The following PCF11 variants were observed in gnomAD, a reference collection of about 807,000 sequenced individuals.
PCF11 encodes the protein pre-mRNA cleavage complex 2 protein Pcf11.
PCF11 carries 19 observed loss-of-function variants against 166.1 expected under a neutral mutation model. The observed-to-expected ratio is 0.11, with a 90% CI of 0.08 to 0.17. The LOEUF (loss-of-function observed/expected upper bound fraction) is 0.17. Among genes scored for constraint, PCF11 ranks in the 10% least tolerant of loss-of-function variants. PCF11 has a pLI of 1.00. For missense variants in PCF11, 1,565 were observed against 1,855.5 expected (o/e 0.84, Z 2.88); for synonymous variants, 663 against 644.1 (o/e 1.03, Z -0.44).
chr11:83,163,582 C>A, intron 2 of PCF11, 97 bp from the exon 3 acceptor site: 1 of 432,936 alleles, frequency 2.3e-6, no homozygotes, highest in Non-Finnish European at 4.1e-6. Flanking sequence ...TAGTACAGTT[C>A]TGTATGTGAA....
intron 1 of PCF11, among the ~76,000 whole-genome samples, chr11:83,159,477 G>A (rs964710872): frequency 6.6e-6 from 1 of 152,042 alleles, no homozygotes; most frequent in Non-Finnish European, 1.5e-5. Flanking sequence ...TAATGGATCC[G>A]GAAGACCTTC....
chr11:83,163,423 C>G (rs763516159), intron 2 of PCF11, among the ~76,000 whole-genome samples: 4 of 151,542 alleles, frequency 2.6e-5, no homozygotes, highest in Non-Finnish European at 5.9e-5. Context: ...ATACTAAGCT[C>G]TAAGATGTGG....
rs1274377056 is a variant in PCF11, at chr11:83,166,730, T to C, written c.1817+16T>C. Reference sequence around the variant, plus strand: ...AAAATAAAAGGTATGATGTTAACATTTTAAGTCAAGTGTAGTAGTGTATAT... The same window carrying C: ...AAAATAAAAGGTATGATGTTAACATCTTAAGTCAAGTGTAGTAGTGTATAT... On this transcript the variant is annotated intron_variant, in intron 5 of 15. Transcript: ENST00000298281. The C allele has an allele frequency of 6.4e-7, 1 of 1,565,636 alleles. No homozygotes were observed. Among genetic ancestry groups the C allele is most frequent in the Non-Finnish European group, 8.6e-7 (1 of 1,161,600 alleles).
At chr11:83,176,095 A>C (rs927958270) in intron 9 of PCF11, among the ~76,000 whole-genome samples, 22 of 152,202 alleles carry the variant, frequency 1.4e-4, no homozygotes, top group Non-Finnish European at 2.9e-5. Flanking sequence ...AGGGGTAATA[A>C]ACTATTTCAT....
exon 8 of PCF11, chr11:83,169,374 A>G: frequency 3.1e-6 from 5 of 1,613,690 alleles, no homozygotes; most frequent in South Asian, 1.1e-5. Context: ...GTCCTTCTGT[A>G]CCAGGAGGTG....
At chr11:83,183,049 A>G (rs745633081) in exon 15 of PCF11, 5 of 1,457,292 alleles carry the variant, frequency 3.4e-6, no homozygotes, top group Non-Finnish European at 4.7e-6. Context: ...TTTATCATCC[A>G]TCATGTTATG....
Position 83,170,007 on chromosome 11 carries a change from A to G in PCF11, c.3660+12A>G, listed in dbSNP as rs1860629723. 6.4e-7 allele frequency: 1 copy of G among 1,552,786 alleles called. No individual in the cohort carries two copies. Among genetic ancestry groups the G allele is most frequent in the Non-Finnish European group, 8.6e-7 (1 of 1,156,854 alleles). ...AGGCATCTCAACAGGTAAGTCTGTT[A>G]TTCTAAAATTGCGTTGTATGCAGAT... is the stretch of plus-strand genomic sequence containing the variant. On this transcript the variant is annotated intron_variant, in intron 8 of 15. Coordinates refer to ENST00000298281, the Ensembl canonical transcript of PCF11.
At chr11:83,174,627 A>AG (rs1860812445) in intron 9 of PCF11, among the ~76,000 whole-genome samples, 1 of 152,130 alleles carries the variant, frequency 6.6e-6, no homozygotes, top group Admixed American at 6.5e-5. Flanking sequence ...TAATTCATTT[A>AG]ACCTCATATC....
chr11:83,173,719 CTTTTTTTTTTTTTTTTTTT>C (rs869126679), intron 9 of PCF11, among the ~76,000 whole-genome samples: 1 of 59,060 alleles, frequency 1.7e-5, no homozygotes, highest in African/African-American at 7.2e-5. Context: ...TTCTTTCTTT[CTTTTTTTTTTTTTTTTTTT>C]TTTTTTTTTG....
At chr11:83,169,735 C>T (rs771135845) in exon 8 of PCF11, 2 of 1,613,798 alleles carry the variant, frequency 1.2e-6, no homozygotes, top group South Asian at 1.1e-5. Flanking sequence ...TCAGACTGGT[C>T]CATATAATGA....
exon 2 of PCF11, chr11:83,161,398 T>C: frequency 6.2e-7 from 1 of 1,602,544 alleles, no homozygotes; most frequent in African/African-American, 1.3e-5. Flanking sequence ...GAAGAGAGTA[T>C]CTCACTGCCT....
chr11:83,164,491 C>A (rs1195998897), intron 4 of PCF11, 90 bp downstream of exon 4: 1 of 897,116 alleles, frequency 1.1e-6, no homozygotes, highest in East Asian at 2.7e-5. Context: ...TAACATGTTA[C>A]TTTTATTAAT....
At chr11:83,165,480 A>T in intron 4 of PCF11, 120 bp from the exon 5 acceptor site, 1 of 659,004 alleles carries the variant, frequency 1.5e-6, no homozygotes, top group Non-Finnish European at 2.5e-6. Flanking sequence ...TGTACAATTT[A>T]AATGTAGTGT....
intron 9 of PCF11, among the ~76,000 whole-genome samples, chr11:83,173,250 A>G (rs1471631526): frequency 6.6e-6 from 1 of 152,140 alleles, no homozygotes. Context: ...AGGTCAAGAG[A>G]TGGAGACCAT....
chr11:83,186,127 C>CTAAT (rs1220029633), exon 16 of PCF11: 1 of 152,138 alleles, frequency 6.6e-6, no homozygotes, highest in African/African-American at 2.4e-5. Flanking sequence ...TTTGTTTCCT[C>CTAAT]TAATTCCATA....
At chr11:83,164,121 T>TA in intron 3 of PCF11, 86 bp from the exon 4 acceptor site, 1 of 866,254 alleles carries the variant, frequency 1.2e-6, no homozygotes, top group East Asian at 2.6e-5. Flanking sequence ...ATTTGGATCA[T>TA]ATTAAGAGTT....
chr11:83,182,123 T>G lies in PCF11; in HGVS notation c.4323+114T>G, dbSNP rs11233511. 4.7e-3 allele frequency: 4,306 copies of G among 911,770 alleles called. 123 individuals are homozygous for G. The African/African-American group carries it at 0.063, about 13-fold the overall frequency. The allele number at this position is 911,770 out of a possible 1,614,324, so 56.5% of individuals were successfully genotyped here. On this transcript the variant is annotated intron_variant, in intron 13 of 15. Coordinates refer to ENST00000298281, the Ensembl canonical transcript of PCF11. ...ATCCCTGTTTTAATGATTTTAAGAC[T>G]TCTTGAAAGCTCTACTCTTCAATTT...
chr11:83,182,090 A>G, intron 13 of PCF11, 81 bp downstream of exon 13: 1 of 1,069,290 alleles, frequency 9.4e-7, no homozygotes, highest in Non-Finnish European at 1.3e-6. Context: ...ACACATCACT[A>G]TATTTATATC....
At position 83,157,988 on chromosome 11, in the gene PCF11, C is replaced by G. The variant is rs113851097; in HGVS notation, c.192+357C>G. On this transcript the variant is annotated intron_variant, in intron 1 of 15. Transcript: ENST00000298281. ...AGAGTTAACATAAGCCATTTTAATT[C>G]CCTGGGAAGTGGGAGAGTGGGTCTC... The G allele has an allele frequency of 2.8e-3, 531 of 188,690 alleles. 2 individuals are homozygous for G. Among genetic ancestry groups the G allele is most frequent in the African/African-American group, 0.012 (515 of 42,866 alleles). The allele number at this position is 188,690 out of a possible 1,614,324, so 11.7% of individuals were successfully genotyped here. A position where few individuals can be genotyped will look rare whatever the true frequency, so the allele number is the denominator to read the frequency against.
Sources: gnomAD v4.1 joint callset for allele counts (sites outside exome capture counted in the v4.1 genomes callset) on GRCh38, gnomAD v4.1.1 for gene constraint, MANE v1.5 for transcripts, NCBI Gene and HGNC (gene_info 2026-07-23, HGNC 2026-07-21) for gene names.